MMS22L: variants seen among roughly 807,000 people sequenced by gnomAD.
The protein encoded by MMS22L is MMS22 like, DNA repair protein, also known as protein MMS22-like.
A neutral mutation model predicts 159.1 loss-of-function variants in MMS22L; 74 were observed. The ratio of observed to expected loss-of-function variants is 0.47; its 90% CI spans 0.39 to 0.56. The LOEUF (loss-of-function observed/expected upper bound fraction) is 0.56. Among genes scored for constraint, MMS22L ranks in the 20% least tolerant of loss-of-function variants. The pLI is 0.00. For missense variants in MMS22L, 1,351 were observed against 1,422.1 expected (o/e 0.95, Z 0.80); for synonymous variants, 517 against 506.9 (o/e 1.02, Z -0.27).
rs1245322567 is a variant in MMS22L at position 97,281,290 on chromosome 6, C to A, written c.237G>T (p.Trp79Cys). The change falls in exon 3 of 25, where the codon TGG (tryptophan) becomes TGT (cysteine). Residue 79 changes from tryptophan (W) to cysteine (C), a missense_variant. Coordinates refer to ENST00000683635, the MANE Select transcript of MMS22L (RefSeq NM_001350599.2). ...AATTCACTAATGCTGTTTCAGTAAC[C>A]CACTGAATGCCAAATATTTCCAAGG... is the stretch of plus-strand genomic sequence containing the variant. ...EDTLEIFGIQ[W>C]VTETALVNSS... 6.2e-7 allele frequency: 1 copy of A among 1,609,124 alleles called. No homozygotes were observed. Among genetic ancestry groups the A allele is most frequent in the Non-Finnish European group, 8.5e-7 (1 of 1,177,266 alleles).
chr6:97,188,558 T>C (rs1805497043), intron 14 of MMS22L, among the ~76,000 whole-genome samples: 1 of 152,140 alleles, frequency 6.6e-6, no homozygotes, highest in African/African-American at 2.4e-5. Flanking sequence ...GCTGGCCCCA[T>C]CATCTGAACT....
intron 11 of MMS22L, among the ~76,000 whole-genome samples, chr6:97,240,815 C>CA (rs1811976180): frequency 2.0e-5 from 3 of 151,812 alleles, no homozygotes; most frequent in Admixed American, 6.6e-5. Flanking sequence ...TTAGTAGAGA[C>CA]AGAGTTTCAC....
intron 8 of MMS22L, chr6:97,267,632 C>T (rs1464429405): frequency 2.5e-5 from 6 of 238,664 alleles, no homozygotes; most frequent in South Asian, 1.9e-4. Context: ...ATAGAAAAGG[C>T]TATTTTTCTT....
At chr6:97,205,155 G>C (rs1389955186) in intron 14 of MMS22L, among the ~76,000 whole-genome samples, 2 of 151,668 alleles carry the variant, frequency 1.3e-5, no homozygotes, top group Non-Finnish European at 2.9e-5. Flanking sequence ...ATGTTAGCCA[G>C]GATGGTCTCA....
chr6:97,266,113 A>G (rs957978899), intron 8 of MMS22L: 7 of 152,206 alleles, frequency 4.6e-5, no homozygotes, highest in African/African-American at 1.2e-4. Flanking sequence ...TTAAAACTTG[A>G]TAAGATATCA....
At position 97,145,040 on chromosome 6, in the gene MMS22L, A is replaced by C. The variant is rs1417267126; in HGVS notation, c.*1766T>G. Reference sequence around the variant, plus strand: ...AAAAAAAACCCACACACACACACACACACACACACACACACACACACACAC... The same window carrying C: ...AAAAAAAACCCACACACACACACACCCACACACACACACACACACACACAC... On this transcript the variant is annotated 3_prime_UTR_variant, in exon 25 of 25. Transcript: ENST00000683635. 5.3e-5 allele frequency: 7 copies of C among 133,080 alleles called. No individual in the cohort carries two copies. The highest frequency in any genetic ancestry group is 1.7e-4 in the African/African-American group (5 of 28,968). 8.2% of individuals were successfully genotyped at this position (133,080 alleles called of 1,614,324 possible). A position where few individuals can be genotyped will look rare whatever the true frequency, so the allele number is the denominator to read the frequency against.
chr6:97,221,233 A>T (rs576273192), intron 14 of MMS22L, among the ~76,000 whole-genome samples: 4 of 152,116 alleles, frequency 2.6e-5, no homozygotes, highest in Non-Finnish European at 5.9e-5. Flanking sequence ...ATTTTGGCAC[A>T]TAAGTTTTTC....
chr6:97,190,579 A>T (rs999867729), intron 14 of MMS22L, among the ~76,000 whole-genome samples: 10 of 152,216 alleles, frequency 6.6e-5, no homozygotes, highest in Admixed American at 6.5e-4. Flanking sequence ...TAACAGCAAC[A>T]TCCAGCATTT....
intron 10 of MMS22L, among the ~76,000 whole-genome samples, chr6:97,251,775 A>C (rs1161232685): frequency 6.6e-6 from 1 of 152,202 alleles, no homozygotes; most frequent in Non-Finnish European, 1.5e-5. Context: ...TCTCCTCTGG[A>C]GTTCTCTGTA....
At chr6:97,254,462 A>C in intron 10 of MMS22L, 95 bp downstream of exon 10, 1 of 942,700 alleles carries the variant, frequency 1.1e-6, no homozygotes, top group Non-Finnish European at 1.6e-6. Context: ...TTGTAGTCTG[A>C]CTTTTCTTGT....
intron 14 of MMS22L, among the ~76,000 whole-genome samples, chr6:97,223,038 C>T (rs1414181126): frequency 6.6e-6 from 1 of 152,084 alleles, no homozygotes; most frequent in Non-Finnish European, 1.5e-5. Flanking sequence ...ATTTAGTTAA[C>T]ATAACCAAGT....
chr6:97,187,842 C>A (rs1805412442), intron 14 of MMS22L, among the ~76,000 whole-genome samples: 1 of 152,086 alleles, frequency 6.6e-6, no homozygotes, highest in South Asian at 2.1e-4. Context: ...CATAACTACC[C>A]AAGAGTGAGT....
chr6:97,252,354 G>A (rs1490240832), intron 10 of MMS22L, among the ~76,000 whole-genome samples: 10 of 151,978 alleles, frequency 6.6e-5, no homozygotes, highest in African/African-American at 7.2e-5. Context: ...GGCAGGGTGC[G>A]GTGGCTCACA....
chr6:97,186,684 C>T lies in MMS22L; in HGVS notation c.2046G>A (p.Met682Ile), dbSNP rs747622217. The T allele has an allele frequency of 3.2e-6, 5 of 1,538,544 alleles. No individual in the cohort carries two copies. The highest frequency in any genetic ancestry group is 1.4e-5 in the African/African-American group (1 of 71,168). The change falls in exon 15 of 25, where the codon ATG becomes ATA. Residue 682 changes from methionine (M) to isoleucine (I), a missense_variant. Transcript: ENST00000683635. ...GAAGTTCCTGACACAATTGTTGATG[C>T]ATACTCCTAAAAAGAAATAAAAATA... ...LQAVLARIRS[M>I]HQQLCQELQR...
At chr6:97,195,761 T>A (rs1806425005) in intron 14 of MMS22L, among the ~76,000 whole-genome samples, 1 of 152,152 alleles carries the variant, frequency 6.6e-6, no homozygotes, top group Non-Finnish European at 1.5e-5. Flanking sequence ...ATTAATCAGG[T>A]AATGGCAAAC....
chr6:97,239,252 A>C (rs1811794111), intron 11 of MMS22L, among the ~76,000 whole-genome samples: 1 of 152,110 alleles, frequency 6.6e-6, no homozygotes, highest in Admixed American at 6.6e-5. Flanking sequence ...TCTCCAAATT[A>C]ATGTGTTTAA....
At chr6:97,187,053 G>A (rs1805316992) in intron 14 of MMS22L, among the ~76,000 whole-genome samples, 2 of 98,940 alleles carry the variant, frequency 2.0e-5, no homozygotes, top group Admixed American at 9.7e-5. Context: ...TTTCTCCTGA[G>A]GGCTTTAGGA....
chr6:97,200,824 C>T (rs939082029), intron 14 of MMS22L, among the ~76,000 whole-genome samples: 4 of 151,960 alleles, frequency 2.6e-5, no homozygotes, highest in African/African-American at 9.7e-5. Context: ...GGCTTTGTTA[C>T]CATCCTGTGA....
intron 1 of MMS22L, 105 bp downstream of exon 1, chr6:97,282,991 C>G (rs886626799): frequency 1.3e-5 from 2 of 152,340 alleles, no homozygotes; most frequent in Admixed American, 1.3e-4. Flanking sequence ...ACCCACCAGG[C>G]CCACGCCTGG....
Sources: allele counts gnomAD v4.1 joint callset (sites outside exome capture counted in the v4.1 genomes callset), GRCh38; gene constraint gnomAD v4.1.1; transcripts MANE v1.5; gene names NCBI Gene and HGNC (gene_info 2026-07-23, HGNC 2026-07-21).